PLSCR2: variants seen among roughly 807,000 people sequenced by gnomAD.
PLSCR2 encodes the protein PL scramblase 2.
In PLSCR2, 18 loss-of-function variants were observed where a neutral mutation model predicts 25.3. That is an observed-to-expected ratio of 0.71 (90% CI 0.49 to 1.06). The LOEUF (loss-of-function observed/expected upper bound fraction) is 1.06. Among genes scored for constraint, PLSCR2 ranks in the 50% least tolerant of loss-of-function variants. The pLI is 0.00. For synonymous variants in PLSCR2, 88 were observed against 87.3 expected, an observed-to-expected ratio of 1.01 and a Z score of -0.04; for missense variants, 243 against 269.5, an observed-to-expected ratio of 0.90 and a Z score of 0.69.
At chr3:146,444,942 T>C (rs770444943) in intron 6 of PLSCR2, among the ~76,000 whole-genome samples, 1 of 152,112 alleles carries the variant, frequency 6.6e-6, no homozygotes, top group Non-Finnish European at 1.5e-5. Flanking sequence ...GTTTTTGATT[T>C]AAGATTACTC....
At chr3:146,447,175 G>A (rs553288667) in intron 6 of PLSCR2, among the ~76,000 whole-genome samples, 1 of 152,154 alleles carries the variant, frequency 6.6e-6, no homozygotes, top group African/African-American at 2.4e-5. Context: ...CCCACTTGAT[G>A]TTCTCTCCCA....
chr3:146,400,557 T>C (rs190090217), intron 2 of PLSCR2, among the ~76,000 whole-genome samples: 12 of 151,488 alleles, frequency 7.9e-5, no homozygotes, highest in Admixed American at 2.0e-4. Flanking sequence ...TCAGTTCTTT[T>C]CAAATTAATC....
chr3:146,474,256 T>G (rs2042212453), intron 1 of PLSCR2, among the ~76,000 whole-genome samples: 1 of 152,172 alleles, frequency 6.6e-6, no homozygotes, highest in Non-Finnish European at 1.5e-5. Flanking sequence ...CATGCTATCT[T>G]TTTTTATTGT....
At chr3:146,464,893 C>T (rs1214288829), upstream of PLSCR2, among the ~76,000 whole-genome samples, 3 of 152,294 alleles carry the variant, frequency 2.0e-5, no homozygotes, top group East Asian at 3.9e-4. Flanking sequence ...ATTTATATTA[C>T]AGTTGTTAAA....
At chr3:146,448,606 G>A (rs990951735) in intron 6 of PLSCR2, among the ~76,000 whole-genome samples, 3 of 152,146 alleles carry the variant, frequency 2.0e-5, no homozygotes, top group African/African-American at 4.8e-5. Flanking sequence ...CTGCATGTTC[G>A]TATCATCTGG....
chr3:146,469,181 C>G, intron 1 of PLSCR2: 1 of 985,554 alleles, frequency 1.0e-6, no homozygotes, highest in Non-Finnish European at 1.2e-6. Flanking sequence ...CTCCTGAGCC[C>G]AGACTCTGCC....
chr3:146,441,815 T>C (rs1331131936), exon 7 of PLSCR2: 2 of 1,588,168 alleles, frequency 1.3e-6, no homozygotes, highest in Admixed American at 1.7e-5. Context: ...TCAAAAAACA[T>C]GTAGTCCTGG....
chr3:146,480,292 C>A (rs900551091), intron 1 of PLSCR2, among the ~76,000 whole-genome samples: 10 of 152,072 alleles, frequency 6.6e-5, no homozygotes, highest in Non-Finnish European at 1.2e-4. Flanking sequence ...ATCAATGAAT[C>A]CAGGATCTGG....
intron 6 of PLSCR2, among the ~76,000 whole-genome samples, chr3:146,447,327 G>A (rs1407240302): frequency 1.3e-5 from 2 of 152,190 alleles, no homozygotes; most frequent in South Asian, 4.1e-4. Context: ...CATGTCTCAA[G>A]AGTTTCCCCT....
intron 1 of PLSCR2, among the ~76,000 whole-genome samples, chr3:146,484,166 G>A (rs896569519): frequency 1.1e-4 from 17 of 150,876 alleles, no homozygotes; most frequent in African/African-American, 2.9e-4. Context: ...TAGCCAAATC[G>A]ATGAAGCAGA....
At chr3:146,463,099 T>G (rs116694190), upstream of PLSCR2, among the ~76,000 whole-genome samples, 488 of 152,306 alleles carry the variant, frequency 3.2e-3, 4 homozygotes, top group African/African-American at 0.011. Flanking sequence ...ATGTATTTAT[T>G]TATTTATTTT....
intron 6 of PLSCR2, among the ~76,000 whole-genome samples, chr3:146,443,719 G>A (rs891738490): frequency 1.3e-5 from 2 of 151,396 alleles, no homozygotes; most frequent in Admixed American, 6.6e-5. Flanking sequence ...ATTTTTACTT[G>A]TTGATCTTTT....
At chr3:146,403,343 A>T (rs2038544694) in intron 2 of PLSCR2, among the ~76,000 whole-genome samples, 1 of 152,176 alleles carries the variant, frequency 6.6e-6, no homozygotes, top group Non-Finnish European at 1.5e-5. Context: ...GCCTGCATCG[A>T]GGTCACCTGG....
downstream of PLSCR2, among the ~76,000 whole-genome samples, chr3:146,430,204 CT>C (rs772004436): frequency 2.0e-4 from 31 of 152,212 alleles, no homozygotes; most frequent in Non-Finnish European, 3.4e-4. Context: ...CCAAAGAAAC[CT>C]TTTTTTCTTT....
intron 1 of PLSCR2, among the ~76,000 whole-genome samples, chr3:146,481,297 C>T (rs537659519): frequency 1.9e-4 from 29 of 152,292 alleles, no homozygotes; most frequent in African/African-American, 7.0e-4. Flanking sequence ...CAAATTATCC[C>T]TGTTTGCAGA....
At chr3:146,478,407 T>G (rs1391907097) in intron 1 of PLSCR2, among the ~76,000 whole-genome samples, 3 of 152,124 alleles carry the variant, frequency 2.0e-5, no homozygotes, top group African/African-American at 7.2e-5. Context: ...AATGAACTGA[T>G]GGAGGTAAAA....
chr3:146,415,324 G>A (rs113614122), intron 2 of PLSCR2, among the ~76,000 whole-genome samples: 1 of 151,954 alleles, frequency 6.6e-6, no homozygotes, highest in African/African-American at 2.4e-5. Flanking sequence ...GTATATCATA[G>A]TAGTCTAAAA....
intron 3 of PLSCR2, among the ~76,000 whole-genome samples, chr3:146,394,009 T>A (rs977976207): frequency 1.3e-5 from 2 of 152,084 alleles, no homozygotes; most frequent in African/African-American, 4.8e-5. Context: ...TAATATTACA[T>A]GCATACAGGT....
intron 2 of PLSCR2, among the ~76,000 whole-genome samples, chr3:146,406,747 GT>G (rs2108020974): frequency 6.6e-6 from 1 of 152,288 alleles, no homozygotes; most frequent in African/African-American, 2.4e-5. Context: ...CTTCAGAGCT[GT>G]TGGCATTGTG....
Sources: allele counts gnomAD v4.1 joint callset (sites outside exome capture counted in the v4.1 genomes callset), GRCh38; gene constraint gnomAD v4.1.1; transcripts MANE v1.5; gene names NCBI Gene and HGNC (gene_info 2026-07-23, HGNC 2026-07-21).